Variants in PAPPA observed in about 807,000 individuals in gnomAD.
PAPPA encodes pappalysin-1.
A neutral mutation model predicts 164.0 loss-of-function variants in PAPPA; 60 were observed. The ratio of observed to expected loss-of-function variants is 0.37; its 90% confidence interval spans 0.30 to 0.45. The LOEUF (loss-of-function observed/expected upper bound fraction) is 0.45, where lower values mean the gene tolerates loss of function less well. Among genes scored for constraint, PAPPA ranks in the 20% least tolerant of loss-of-function variants. The pLI, the probability that PAPPA is intolerant of heterozygous loss-of-function variation, is 1.00. For synonymous variants in PAPPA, 875 were observed against 814.1 expected, an observed-to-expected ratio of 1.07 and a Z score of -1.27; for missense variants, 1,782 against 2,087.3, an observed-to-expected ratio of 0.85 and a Z score of 2.85.
At chr9:116,293,654 C>T (rs1449679373) in intron 9 of PAPPA, among the ~76,000 whole-genome samples, 1 of 152,196 alleles carries the variant, frequency 6.6e-6, no homozygotes, top group African/African-American at 2.4e-5. Context: ...TTGTAGGAGT[C>T]TATGAAGTAT....
At chr9:116,275,343 T>A (rs1405863844) in intron 9 of PAPPA, among the ~76,000 whole-genome samples, 1 of 152,220 alleles carries the variant, frequency 6.6e-6, no homozygotes, top group African/African-American at 2.4e-5. Flanking sequence ...GGGCACAGGA[T>A]ACCAGCAACA....
At chr9:116,382,543 C>T (rs771565141) in intron 21 of PAPPA, 50 bp downstream of exon 21, 1 of 1,101,398 alleles carries the variant, frequency 9.1e-7, no homozygotes, top group African/African-American at 1.5e-5. Flanking sequence ...ACTTCTCCAG[C>T]TTGTGGGGCC....
At chr9:116,377,764 C>A in intron 20 of PAPPA, 117 bp downstream of exon 20, 1 of 732,128 alleles carries the variant, frequency 1.4e-6, no homozygotes, top group South Asian at 1.7e-5. Context: ...TGAAAATATC[C>A]ATTTAGCAGA....
intron 21 of PAPPA, among the ~76,000 whole-genome samples, chr9:116,388,889 C>A (rs1846852328): frequency 6.6e-6 from 1 of 152,288 alleles, no homozygotes; most frequent in Middle Eastern, 3.4e-3. Flanking sequence ...TTAAACCCTA[C>A]CTAAATGAGA....
chr9:116,305,342 T>A (rs1845632529), intron 10 of PAPPA, among the ~76,000 whole-genome samples: 1 of 152,150 alleles, frequency 6.6e-6, no homozygotes, highest in South Asian at 2.1e-4. Context: ...CCAGTGAAGA[T>A]GTTGATAGCT....
At chr9:116,258,278 A>C (rs1844956278) in intron 7 of PAPPA, among the ~76,000 whole-genome samples, 2 of 152,070 alleles carry the variant, frequency 1.3e-5, no homozygotes, top group African/African-American at 4.8e-5. Flanking sequence ...GGAAAACTAT[A>C]GAATGAACTT....
intron 10 of PAPPA, among the ~76,000 whole-genome samples, chr9:116,309,788 G>T (rs934834506): frequency 1.3e-5 from 2 of 152,144 alleles, no homozygotes; most frequent in African/African-American, 4.8e-5. Flanking sequence ...ACATTATCCT[G>T]AGGGCAATGG....
chr9:116,230,835 T>A (rs927765180), intron 6 of PAPPA, among the ~76,000 whole-genome samples: 2 of 152,208 alleles, frequency 1.3e-5, no homozygotes, highest in African/African-American at 4.8e-5. Flanking sequence ...GATAAATATA[T>A]ATTTCTTGAT....
intron 7 of PAPPA, among the ~76,000 whole-genome samples, chr9:116,249,979 G>A (rs1259527068): frequency 6.6e-6 from 1 of 152,000 alleles, no homozygotes; most frequent in Non-Finnish European, 1.5e-5. Context: ...GCATGTGTGT[G>A]TGTGCATGTA....
chr9:116,335,951 T>C (rs966671593), intron 13 of PAPPA, among the ~76,000 whole-genome samples: 1 of 152,192 alleles, frequency 6.6e-6, no homozygotes, highest in Non-Finnish European at 1.5e-5. Flanking sequence ...AACCATCTTT[T>C]GATGATGATG....
intron 7 of PAPPA, among the ~76,000 whole-genome samples, chr9:116,251,334 TG>T (rs555974681): frequency 6.6e-5 from 10 of 152,164 alleles, no homozygotes; most frequent in Non-Finnish European, 1.3e-4. Flanking sequence ...AAGCCACTCC[TG>T]GGAAGGGTAA....
chr9:116,347,095 G>A lies in PAPPA; in HGVS notation c.3850G>A (p.Asp1284Asn), dbSNP rs1309886425. Residue 1284 changes from aspartate (D) to asparagine (N), a missense_variant, in exon 15 of 22, where the codon GAC (aspartate) becomes AAC (asparagine). This residue lies in a region of PAPPA where 1,324 missense variants were observed against 1,656.9 expected (regional missense o/e 0.80). Coordinates refer to ENST00000328252, the MANE Select transcript of PAPPA (RefSeq NM_002581.5). The surrounding 1 kb of genome is among the most constrained non-coding windows in gnomAD (Gnocchi z 4.5). ...TAAGCAGGTGGCCTGTGAGCCAGTC[G>A]ACTGCAGCATCCCAGATCACCATCA... is the stretch of plus-strand genomic sequence containing the variant. ...WNKQVACEPV[D>N]CSIPDHHQVY... 3 of 1,614,134 alleles carry A rather than the reference G, an allele frequency of 1.9e-6. No individual in the cohort carries two copies. The highest frequency in any genetic ancestry group is 1.1e-5 in the South Asian group (1 of 91,072).
chr9:116,314,060 CTTTTTTTTTTT>C (rs57871796), intron 10 of PAPPA, among the ~76,000 whole-genome samples: 39 of 69,718 alleles, frequency 5.6e-4, no homozygotes, highest in Middle Eastern at 7.9e-3. Context: ...TGCATCGAAT[CTTTTTTTTTTT>C]TTTTTTTTTT....
At chr9:116,303,104 G>A (rs1337454558) in intron 10 of PAPPA, among the ~76,000 whole-genome samples, 154 bp downstream of exon 10, 1 of 152,198 alleles carries the variant, frequency 6.6e-6, no homozygotes, top group African/African-American at 2.4e-5. Flanking sequence ...AATACCATTT[G>A]TAAAAGATTA....
At chr9:116,289,384 A>T (rs569402872) in intron 9 of PAPPA, among the ~76,000 whole-genome samples, 3 of 110,480 alleles carry the variant, frequency 2.7e-5, no homozygotes, top group Non-Finnish European at 6.0e-5. Context: ...TATATAGCAT[A>T]TGTATATATA....
intron 2 of PAPPA, among the ~76,000 whole-genome samples, chr9:116,190,002 T>G (rs990422665): frequency 5.9e-5 from 9 of 152,306 alleles, no homozygotes; most frequent in African/African-American, 2.2e-4. Flanking sequence ...AGGAGAAGCC[T>G]TGGTGTGTGA....
intron 7 of PAPPA, among the ~76,000 whole-genome samples, chr9:116,255,266 G>A (rs944042249): frequency 3.9e-5 from 6 of 151,934 alleles, no homozygotes; most frequent in African/African-American, 1.4e-4. Context: ...AAACAGCATG[G>A]TTTAAATCTT....
chr9:116,373,689 G>A (rs573967595), intron 19 of PAPPA: 4 of 152,138 alleles, frequency 2.6e-5, no homozygotes, highest in South Asian at 4.2e-4. Flanking sequence ...CTGAACTTTG[G>A]TCTTCCCATC....
At position 116,188,096 on chromosome 9, in the gene PAPPA, A is replaced by C. The variant is rs1158440737; in HGVS notation, c.1358A>C (p.His453Pro). 1 of 1,614,232 alleles carries C rather than the reference A, an allele frequency of 6.2e-7. No homozygotes were observed. ...CACCCTGCCTTCGTGAAGAAGCAGC[A>C]CAACGGGGTGTGTGACATGGACTGC... ...LRHPAFVKKQ[H>P]NGVCDMDCNY... The change falls in exon 2 of 22, where the codon CAC becomes CCC. Residue 453 changes from histidine (H) to proline (P), a missense_variant. Around this residue, in one of 2 missense-constraint regions of PAPPA, gnomAD observed 1,324 missense variants for 1,656.9 expected, o/e 0.80. Coordinates refer to ENST00000328252, the MANE Select transcript of PAPPA (RefSeq NM_002581.5).
Sources: gnomAD v4.1 joint callset for allele counts (sites outside exome capture counted in the v4.1 genomes callset) on GRCh38, gnomAD v4.1.1 for gene constraint, gnomAD v4.1.1 regional missense constraint, Gnocchi (gnomAD v3.1) non-coding constraint, MANE v1.5 for transcripts, NCBI Gene and HGNC (gene_info 2026-07-23, HGNC 2026-07-21) for gene names.